Variants in CRACD observed in about 807,000 individuals in gnomAD.
CRACD encodes the protein capping protein-inhibiting regulator of actin dynamics.
CRACD carries 56 observed loss-of-function variants against 106.8 expected under a neutral mutation model. The ratio of observed to expected loss-of-function variants is 0.52; its 90% CI spans 0.42 to 0.66. The LOEUF (loss-of-function observed/expected upper bound fraction) is 0.66, where lower values mean the gene tolerates loss of function less well. CRACD is among the 30% of genes least tolerant of loss of function. The pLI, the probability that CRACD is intolerant of heterozygous loss-of-function variation, is 0.00. For missense variants in CRACD, 1,730 were observed against 1,623.2 expected, an observed-to-expected ratio of 1.07 and a Z score of -1.13; for synonymous variants, 754 against 670.8, an observed-to-expected ratio of 1.12 and a Z score of -1.92.
intron 2 of CRACD, among the ~76,000 whole-genome samples, chr4:56,184,212 A>G (rs1372910393): frequency 6.6e-6 from 1 of 152,148 alleles, no homozygotes; most frequent in Non-Finnish European, 1.5e-5. Flanking sequence ...CTGGGACTAC[A>G]GGCATGTGCC....
intron 1 of CRACD, among the ~76,000 whole-genome samples, chr4:56,109,274 C>T (rs529138347): frequency 3.5e-4 from 54 of 152,304 alleles, no homozygotes; most frequent in Admixed American, 9.8e-4. Context: ...TGATTATTAA[C>T]GTTTATACTA....
chr4:56,109,775 A>C (rs959412905), intron 1 of CRACD, among the ~76,000 whole-genome samples: 1 of 151,924 alleles, frequency 6.6e-6, no homozygotes, highest in Non-Finnish European at 1.5e-5. Context: ...CAGTGAGGAA[A>C]CCTCTTACCA....
chr4:56,259,821 G>C (rs1425422131), intron 2 of CRACD, among the ~76,000 whole-genome samples: 1 of 152,176 alleles, frequency 6.6e-6, no homozygotes, highest in Non-Finnish European at 1.5e-5. Context: ...TGATTACTAA[G>C]GGTAAGCTGC....
At chr4:56,236,137 T>C (rs554863272) in intron 2 of CRACD, among the ~76,000 whole-genome samples, 1 of 152,198 alleles carries the variant, frequency 6.6e-6, no homozygotes, top group African/African-American at 2.4e-5. Flanking sequence ...GTCATTAGGG[T>C]GGGCCCTAAT....
rs576835662 is a variant in CRACD at position 56,301,393 on chromosome 4, G to A, written c.120+3044G>A. ...TGCCAGCATGGAATGAGAGAATTTA[G>A]TTGTGTCTGAGGCATGTATGTTTTT... On this transcript the variant is annotated intron_variant, in intron 4 of 10. Transcript: ENST00000682029. 56 of 378,482 alleles carry A rather than the reference G, an allele frequency of 1.5e-4. 2 individuals are homozygous for A. The highest frequency in any genetic ancestry group is 1.2e-3 in the South Asian group (55 of 46,146). 23.4% of individuals were successfully genotyped at this position (378,482 alleles called of 1,614,324 possible).
chr4:56,222,835 T>C (rs1739116494), intron 2 of CRACD, among the ~76,000 whole-genome samples: 1 of 151,556 alleles, frequency 6.6e-6, no homozygotes, highest in African/African-American at 2.4e-5. Flanking sequence ...TAGCTGGGCA[T>C]GTGGGTGGTG....
Position 56,062,812 on chromosome 4 carries a change from C to T in CRACD, c.-336+13513C>T, listed in dbSNP as rs534920549. ...AAGGAGTTTTTATAGAACCGAATGCCTTACAAATTTGGGGCTTGCAAATGT... is the reference window on the plus strand; with the variant it reads ...AAGGAGTTTTTATAGAACCGAATGCTTTACAAATTTGGGGCTTGCAAATGT... On this transcript the variant is annotated intron_variant, in intron 1 of 10. Transcript: ENST00000682029. 2.0e-5 allele frequency among the ~76,000 whole-genome samples: 3 copies of T among 152,256 alleles called. No homozygotes were observed. The South Asian group carries it at 6.2e-4, about 32-fold the overall frequency.
intron 1 of CRACD, among the ~76,000 whole-genome samples, chr4:56,054,378 G>C (rs1731982890): frequency 6.6e-6 from 1 of 152,004 alleles, no homozygotes; most frequent in African/African-American, 2.4e-5. Context: ...GTCTCTCTCT[G>C]TTTCCTAGGC....
intron 4 of CRACD, 134 bp from the exon 5 acceptor site, chr4:56,307,401 G>C (rs1391028741): frequency 1.9e-5 from 13 of 675,780 alleles, no homozygotes. Context: ...TGGTTTCCTG[G>C]CATGGTGTTG....
At chr4:56,149,991 G>T (rs1294338294) in intron 1 of CRACD, among the ~76,000 whole-genome samples, 1 of 152,126 alleles carries the variant, frequency 6.6e-6, no homozygotes, top group Non-Finnish European at 1.5e-5. Flanking sequence ...ATGACAGATT[G>T]TTCAAGTAGT....
At chr4:56,319,086 T>TGGAAGG (rs879589228) in intron 8 of CRACD, among the ~76,000 whole-genome samples, 8 of 152,154 alleles carry the variant, frequency 5.3e-5, no homozygotes, top group Non-Finnish European at 7.3e-5. Flanking sequence ...TTGTCTATTG[T>TGGAAGG]GGAAGGGATC....
At chr4:56,283,165 C>T (rs1284715354) in intron 3 of CRACD, among the ~76,000 whole-genome samples, 1 of 152,106 alleles carries the variant, frequency 6.6e-6, no homozygotes, top group Non-Finnish European at 1.5e-5. Flanking sequence ...ATCCCAGGAC[C>T]ATGGGGTGTG....
intron 8 of CRACD, among the ~76,000 whole-genome samples, chr4:56,316,946 C>T (rs1745715117): frequency 6.6e-6 from 1 of 152,104 alleles, no homozygotes; most frequent in African/African-American, 2.4e-5. Flanking sequence ...GTAATTTGGG[C>T]CACATTAGCC....
At chr4:56,224,332 CTTTTG>C (rs2109519872) in intron 2 of CRACD, among the ~76,000 whole-genome samples, 1 of 152,122 alleles carries the variant, frequency 6.6e-6, no homozygotes, top group East Asian at 1.9e-4. Flanking sequence ...ACATCTAGGT[CTTTTG>C]TTGTGTTGGC....
At chr4:56,155,031 A>G (rs1735720922) in intron 1 of CRACD, among the ~76,000 whole-genome samples, 2 of 59,582 alleles carry the variant, frequency 3.4e-5, no homozygotes, top group Middle Eastern at 0.026. Flanking sequence ...ATTCAGTCCA[A>G]TCATCATCAT....
intron 2 of CRACD, among the ~76,000 whole-genome samples, chr4:56,260,763 T>C (rs1398089334): frequency 6.6e-6 from 1 of 152,218 alleles, no homozygotes; most frequent in Admixed American, 6.5e-5. Context: ...ATCCAGCCTA[T>C]TCTTCCTGAT....
chr4:56,324,202 A>C lies in CRACD; in HGVS notation c.3477A>C (p.Ala1159=). 1.9e-6 allele frequency: 3 copies of C among 1,614,222 alleles called. No individual in the cohort carries two copies. The South Asian group carries it at 3.3e-5, about 18-fold the overall frequency. ...ALPEEKRPET[A]VSRLERREQL... ...CAGAAGAGAAGAGGCCCGAGACTGC[A>C]GTGTCCAGGCTTGAGCGCAGAGAAC... The change falls in exon 10 of 11, where the codon GCA becomes GCC. Residue 1159 remains alanine, a synonymous_variant. Coordinates refer to ENST00000682029, the MANE Select transcript of CRACD (RefSeq NM_001393381.1).
At chr4:56,168,369 C>T (rs896631439) in intron 1 of CRACD, among the ~76,000 whole-genome samples, 6 of 151,966 alleles carry the variant, frequency 3.9e-5, no homozygotes, top group African/African-American at 1.4e-4. Context: ...TGTGAACCGA[C>T]CTTGCATTCC....
At chr4:56,169,992 G>C (rs2109914996) in intron 1 of CRACD, among the ~76,000 whole-genome samples, 1 of 152,212 alleles carries the variant, frequency 6.6e-6, no homozygotes, top group East Asian at 1.9e-4. Context: ...AATTGAATGA[G>C]TTCAGTTTAT....
Sources: gnomAD v4.1 joint callset for allele counts (sites outside exome capture counted in the v4.1 genomes callset) on GRCh38, gnomAD v4.1.1 for gene constraint, MANE v1.5 for transcripts, NCBI Gene and HGNC (gene_info 2026-07-23, HGNC 2026-07-21) for gene names.